PTK2: variants seen among roughly 807,000 people sequenced by gnomAD.
PTK2 encodes focal adhesion kinase 1.
A neutral mutation model predicts 150.1 loss-of-function variants in PTK2; 45 were observed. The ratio of observed to expected loss-of-function variants is 0.30; its 90% CI spans 0.24 to 0.38. The LOEUF is 0.38. PTK2 is among the 10% of genes least tolerant of loss of function. The pLI is 1.00. For synonymous variants in PTK2, 432 were observed against 449.2 expected, an observed-to-expected ratio of 0.96 and a Z score of 0.48; for missense variants, 919 against 1,307.3, an observed-to-expected ratio of 0.70 and a Z score of 4.58.
intron 5 of PTK2, 81 bp from the exon 6 acceptor site, chr8:140,846,759 G>A (rs922298545): frequency 2.3e-5 from 22 of 959,092 alleles, no homozygotes; most frequent in Middle Eastern, 4.4e-4. Flanking sequence ...TGTTTCCTGA[G>A]TACCTTTCAT....
chr8:140,903,613 T>C lies in PTK2; in HGVS notation c.-32-12844A>G, dbSNP rs144923773. Among the ~76,000 whole-genome samples the C allele has an allele frequency of 3.0e-4, 46 of 152,280 alleles. 1 individual carries two copies. In the East Asian group the frequency reaches 8.9e-3, roughly 29 times the overall value. ...TTGGGCAGTATGGCCATTTTCACAA[T>C]ATTGATTCTTCCTACCCATGAGCAT... On this transcript the variant is annotated intron_variant, in intron 2 of 31. Coordinates refer to ENST00000522684, the Ensembl canonical transcript of PTK2.
chr8:140,858,991 G>C (rs1357942819), intron 5 of PTK2, among the ~76,000 whole-genome samples: 1 of 152,166 alleles, frequency 6.6e-6, no homozygotes, highest in African/African-American at 2.4e-5. Context: ...AAGGTATACT[G>C]AATGTCCTGA....
At chr8:140,707,554 G>A (rs1057249412) in intron 23 of PTK2, among the ~76,000 whole-genome samples, 1 of 146,770 alleles carries the variant, frequency 6.8e-6, no homozygotes, top group Non-Finnish European at 1.5e-5. Flanking sequence ...TACAGGCAGC[G>A]GCACCTCACC....
At chr8:140,817,865 A>G (rs767259106) in intron 10 of PTK2, among the ~76,000 whole-genome samples, 22 of 152,214 alleles carry the variant, frequency 1.4e-4, no homozygotes, top group Non-Finnish European at 2.1e-4. Flanking sequence ...AATAAGGTTA[A>G]TAAGGCTTTC....
At chr8:140,962,367 G>A (rs1463791636) in intron 1 of PTK2, among the ~76,000 whole-genome samples, 1 of 152,196 alleles carries the variant, frequency 6.6e-6, no homozygotes, top group Non-Finnish European at 1.5e-5. Flanking sequence ...GTGTGGCAAT[G>A]AAGACAGCAG....
At chr8:140,980,231 C>T (rs115545860) in intron 1 of PTK2, among the ~76,000 whole-genome samples, 2 of 152,326 alleles carry the variant, frequency 1.3e-5, no homozygotes, top group African/African-American at 4.8e-5. Flanking sequence ...TGAATGAAAA[C>T]TATCATACAG....
chr8:140,816,818 G>A (rs896675492), intron 10 of PTK2, among the ~76,000 whole-genome samples: 1 of 152,176 alleles, frequency 6.6e-6, no homozygotes, highest in African/African-American at 2.4e-5. Flanking sequence ...TCCAATGAGT[G>A]CGAAAATAGT....
intron 7 of PTK2, among the ~76,000 whole-genome samples, chr8:140,837,766 T>C (rs546074397): frequency 6.7e-6 from 1 of 148,448 alleles, no homozygotes; most frequent in Non-Finnish European, 1.5e-5. Flanking sequence ...CATTTAGAAA[T>C]ACAGTAAAGC....
chr8:140,718,490 CAG>C (rs1565005961), intron 22 of PTK2: 2 of 152,168 alleles, frequency 1.3e-5, no homozygotes, highest in African/African-American at 4.8e-5. Context: ...CAGGGCTCAG[CAG>C]ACAGTTTGAA....
chr8:140,990,202 A>G lies in PTK2; in HGVS notation c.-122+10923T>C, dbSNP rs549884147. ...TGGTCATCGCAGAATATAACTGACTATAAGTTATAACTTTAACTCTCCTTG... is the reference window on the plus strand; with the variant it reads ...TGGTCATCGCAGAATATAACTGACTGTAAGTTATAACTTTAACTCTCCTTG... On this transcript the variant is annotated intron_variant, in intron 1 of 31. Transcript: ENST00000522684. Among the ~76,000 whole-genome samples, 50 of 151,934 alleles carry G rather than the reference A, an allele frequency of 3.3e-4. 1 individual carries two copies. Among genetic ancestry groups the G allele is most frequent in the Non-Finnish European group, 4.7e-4 (32 of 67,944 alleles).
intron 3 of PTK2, among the ~76,000 whole-genome samples, chr8:140,887,827 C>G (rs897363214): frequency 3.9e-5 from 6 of 152,114 alleles, no homozygotes; most frequent in Admixed American, 1.3e-4. Context: ...TGTTTTCTTA[C>G]TCTTTGAAAT....
intron 10 of PTK2, among the ~76,000 whole-genome samples, chr8:140,808,354 T>C (rs1181814379): frequency 6.6e-6 from 1 of 152,114 alleles, no homozygotes; most frequent in Non-Finnish European, 1.5e-5. Flanking sequence ...CAGGCAGAAA[T>C]GTGAGAAGTG....
At chr8:140,686,906 A>T (rs955458043) in intron 26 of PTK2, 3 of 555,554 alleles carry the variant, frequency 5.4e-6, no homozygotes, top group Admixed American at 3.1e-5. Flanking sequence ...CACACCTTAC[A>T]GACTGGTACC....
At chr8:140,933,404 C>T (rs1044346870) in intron 1 of PTK2, among the ~76,000 whole-genome samples, 5 of 152,160 alleles carry the variant, frequency 3.3e-5, no homozygotes, top group African/African-American at 1.2e-4. Flanking sequence ...TATGTATTTA[C>T]CAATTCTGAG....
intron 1 of PTK2, among the ~76,000 whole-genome samples, chr8:140,937,719 C>T (rs2100174170): frequency 6.6e-6 from 1 of 152,020 alleles, no homozygotes; most frequent in Non-Finnish European, 1.5e-5. Flanking sequence ...ACATCAAATA[C>T]ATTTACATAT....
At chr8:140,879,501 T>C (rs748770277) in exon 4 of PTK2, 2 of 1,613,366 alleles carry the variant, frequency 1.2e-6, no homozygotes. Context: ...AGCAAGCTCA[T>C]ACTTCTCCCT....
chr8:140,781,667 AG>A, intron 14 of PTK2, among the ~76,000 whole-genome samples: 1 of 152,338 alleles, frequency 6.6e-6, no homozygotes, highest in East Asian at 1.9e-4. Context: ...ACCCCTTGCC[AG>A]GGAGGTCTGT....
chr8:140,957,079 CAAAT>C (rs976943424), intron 1 of PTK2, among the ~76,000 whole-genome samples: 24 of 151,940 alleles, frequency 1.6e-4, no homozygotes, highest in Middle Eastern at 3.4e-3. Context: ...AACAAACAAA[CAAAT>C]GAAATGATAA....
rs756046730 is a variant in PTK2, at chr8:140,700,971, G to C, written c.2419C>G (p.Leu807Val). 67 of 1,613,954 alleles carry C rather than the reference G, an allele frequency of 4.2e-5. No homozygotes were observed. Among genetic ancestry groups the C allele is most frequent in the Non-Finnish European group, 5.5e-5 (65 of 1,179,986 alleles). Residue 807 changes from leucine to valine, a missense_variant, in exon 26 of 32, where the codon CTG becomes GTG. By Grantham distance (32) the Leu-to-Val change is conservative. This residue lies in a region of PTK2 where 258 missense variants were observed against 265.4 expected (regional missense o/e 0.97). Transcript: ENST00000522684. ...TGTCGGATTAGACGCTCTTCCATCA[G>C]ATGGGTTGGCAACACTTGCCCAATC...
Sources: gnomAD v4.1 joint callset for allele counts (sites outside exome capture counted in the v4.1 genomes callset) on GRCh38, gnomAD v4.1.1 for gene constraint, gnomAD v4.1.1 regional missense constraint, MANE v1.5 for transcripts, NCBI Gene and HGNC (gene_info 2026-07-23, HGNC 2026-07-21) for gene names.